Variants in RORA observed in about 807,000 individuals in gnomAD.
RORA encodes the protein nuclear receptor ROR-alpha.
In RORA, 7 loss-of-function variants were observed where a neutral mutation model predicts 69.5. The ratio of observed to expected loss-of-function variants is 0.10; its 90% CI spans 0.06 to 0.19. The LOEUF is 0.19. RORA is among the 10% of genes least tolerant of loss of function. RORA has a pLI of 1.00. For missense variants in RORA, 457 were observed against 663.0 expected (o/e 0.69, Z 3.41); for synonymous variants, 261 against 240.8 (o/e 1.08, Z -0.78).
intron 1 of RORA, among the ~76,000 whole-genome samples, chr15:61,081,062 A>G (rs1452596540): frequency 2.0e-5 from 3 of 152,228 alleles, no homozygotes; most frequent in Non-Finnish European, 2.9e-5. Context: ...GAATTCTCCA[A>G]TCTTCAAAGT....
intron 1 of RORA, among the ~76,000 whole-genome samples, chr15:61,197,992 C>T (rs922735991): frequency 6.6e-6 from 1 of 152,000 alleles, no homozygotes; most frequent in African/African-American, 2.4e-5. Flanking sequence ...TGAGTAGACT[C>T]GAAGAGATGC....
chr15:60,590,493 G>A lies in RORA; in HGVS notation c.197-58642C>T, dbSNP rs339968. Among the ~76,000 whole-genome samples, 1,409 of 152,232 alleles carry A rather than the reference G, an allele frequency of 9.3e-3. 29 individuals are homozygous for A. Among genetic ancestry groups the A allele is most frequent in the African/African-American group, 0.032 (1,348 of 41,526 alleles). On this transcript the variant is annotated intron_variant, in intron 2 of 10. Transcript: ENST00000335670. ...TTACTGTTCATTAGGGGAGAAAGCAGTTTAAAATGTCTCAGCCTCTCGCCT... is the reference window on the plus strand; with the variant it reads ...TTACTGTTCATTAGGGGAGAAAGCAATTTAAAATGTCTCAGCCTCTCGCCT...
At chr15:61,192,642 C>T (rs761974611) in intron 1 of RORA, among the ~76,000 whole-genome samples, 4 of 152,206 alleles carry the variant, frequency 2.6e-5, no homozygotes, top group Non-Finnish European at 5.9e-5. Context: ...GAGTCTATTG[C>T]TTTCCCTTGG....
intron 1 of RORA, among the ~76,000 whole-genome samples, chr15:61,106,795 C>A (rs1210509014): frequency 5.9e-5 from 9 of 152,180 alleles, no homozygotes. Context: ...GCCCTTGAAT[C>A]TTCTGCCGCA....
chr15:60,804,994 A>G (rs2072640283), intron 1 of RORA, among the ~76,000 whole-genome samples: 1 of 152,228 alleles, frequency 6.6e-6, no homozygotes, highest in Admixed American at 6.5e-5. Context: ...AAGTAAATCA[A>G]GGGAAAATGG....
chr15:60,664,463 T>C (rs561708230), intron 2 of RORA, among the ~76,000 whole-genome samples: 16 of 152,324 alleles, frequency 1.1e-4, no homozygotes, highest in Admixed American at 1.0e-3. Flanking sequence ...TGAAGGAGGC[T>C]ATAAGAGATG....
At chr15:60,873,475 T>A (rs923125859) in intron 1 of RORA, among the ~76,000 whole-genome samples, 4 of 152,216 alleles carry the variant, frequency 2.6e-5, no homozygotes, top group Non-Finnish European at 2.9e-5. Context: ...TCTATTAGAA[T>A]AATTTCCAAA....
intron 1 of RORA, among the ~76,000 whole-genome samples, chr15:61,020,798 C>G (rs1316670138): frequency 6.6e-6 from 1 of 152,148 alleles, no homozygotes; most frequent in Non-Finnish European, 1.5e-5. Flanking sequence ...TTCAAGGGCC[C>G]CGTATAATTT....
Position 60,698,632 on chromosome 15 carries a change from T to G in RORA, c.167-19946A>C, listed in dbSNP as rs1303736258. On this transcript the variant is annotated intron_variant, in intron 1 of 10. Transcript: ENST00000335670. ...CATAGATTTCTTTTGGCATTTGTGT[T>G]TTTTTTTTTTTTTTTGGAAGTACAT... Among the ~76,000 whole-genome samples the G allele has an allele frequency of 2.0e-3, 31 of 15,686 alleles. No homozygotes were observed. In the East Asian group the frequency reaches 0.033, roughly 17 times the overall value. The allele number at this position is 15,686 out of a possible 152,430, so 10.3% of individuals were successfully genotyped here. A position where few individuals can be genotyped will look rare whatever the true frequency, so the allele number is the denominator to read the frequency against.
chr15:61,152,516 T>C (rs1048588625), intron 1 of RORA, among the ~76,000 whole-genome samples: 18 of 151,000 alleles, frequency 1.2e-4, no homozygotes, highest in African/African-American at 4.4e-4. Flanking sequence ...AAATATTATA[T>C]TGTTAAATAT....
intron 1 of RORA, among the ~76,000 whole-genome samples, chr15:60,763,182 A>T (rs1418265941): frequency 6.8e-6 from 1 of 146,154 alleles, no homozygotes; most frequent in African/African-American, 2.5e-5. Flanking sequence ...AAACGTTCTC[A>T]GCGATGCTGC....
At chr15:61,172,144 A>G (rs2079590851) in intron 1 of RORA, among the ~76,000 whole-genome samples, 1 of 152,230 alleles carries the variant, frequency 6.6e-6, no homozygotes, top group Non-Finnish European at 1.5e-5. Flanking sequence ...AAGAAACAAA[A>G]AAAAATGGTA....
Position 61,131,012 on chromosome 15 carries a change from A to G in RORA, c.166+98041T>C, listed in dbSNP as rs2079185955. ...CAAATATAAGTCTAACCAATATTATATGCATATAAATAACTTCAGTACACG... is the reference window on the plus strand; with the variant it reads ...CAAATATAAGTCTAACCAATATTATGTGCATATAAATAACTTCAGTACACG... On this transcript the variant is annotated intron_variant, in intron 1 of 10. Transcript: ENST00000335670. The surrounding 1 kb of genome is among the most constrained non-coding windows in gnomAD (Gnocchi z 4.2). Among the ~76,000 whole-genome samples the G allele has an allele frequency of 6.6e-6, 1 of 152,230 alleles. No homozygotes were observed. The highest frequency in any genetic ancestry group is 1.5e-5 in the Non-Finnish European group (1 of 68,042).
intron 1 of RORA, among the ~76,000 whole-genome samples, chr15:60,699,103 A>T (rs1447733071): frequency 6.6e-6 from 1 of 152,114 alleles, no homozygotes; most frequent in East Asian, 1.9e-4. Context: ...CCACTTATTG[A>T]TAATCATAGC....
rs961560712 is a variant in RORA, at chr15:60,558,040, G to A, written c.197-26189C>T. ...GAGCAGGATGTTTGGCCTCTGAATG[G>A]GAACCTTAGTAGTGCCAATGACGAA... On this transcript the variant is annotated intron_variant, in intron 2 of 10. Coordinates refer to ENST00000335670, the MANE Select transcript of RORA (RefSeq NM_134261.3). 18 of 392,340 alleles carry A rather than the reference G, an allele frequency of 4.6e-5. No individual in the cohort carries two copies. In the Admixed American group the frequency reaches 6.2e-4, roughly 14 times the overall value. 24.3% of individuals were successfully genotyped at this position (392,340 alleles called of 1,614,324 possible).
intron 1 of RORA, among the ~76,000 whole-genome samples, chr15:61,037,636 A>G (rs1442384410): frequency 3.3e-5 from 5 of 152,218 alleles, no homozygotes; most frequent in Non-Finnish European, 4.4e-5. Context: ...CAATTCAATG[A>G]GCATTTATTG....
At chr15:60,929,333 GC>G (rs1892308230) in intron 1 of RORA, among the ~76,000 whole-genome samples, 1 of 152,114 alleles carries the variant, frequency 6.6e-6, no homozygotes, top group South Asian at 2.1e-4. Context: ...CAGGTGTGCT[GC>G]TTTGACAAAT....
intron 1 of RORA, among the ~76,000 whole-genome samples, chr15:60,711,187 A>C (rs2071139152): frequency 6.6e-6 from 1 of 152,016 alleles, no homozygotes; most frequent in Non-Finnish European, 1.5e-5. Context: ...AACTCCCAAC[A>C]CAGTCTCCGT....
intron 2 of RORA, among the ~76,000 whole-genome samples, chr15:60,597,279 G>C (rs541191001): frequency 6.6e-6 from 1 of 151,804 alleles, no homozygotes; most frequent in South Asian, 2.1e-4. Context: ...AGGAAATTCA[G>C]AGGACTGGCT....
Sources: gnomAD v4.1 joint callset for allele counts (sites outside exome capture counted in the v4.1 genomes callset) on GRCh38, gnomAD v4.1.1 for gene constraint, Gnocchi (gnomAD v3.1) non-coding constraint, MANE v1.5 for transcripts, NCBI Gene and HGNC (gene_info 2026-07-23, HGNC 2026-07-21) for gene names.